The following MBD5 variants were observed in gnomAD, a reference collection of about 807,000 sequenced individuals.
MBD5 encodes the protein methyl-CpG-binding domain protein 5.
In MBD5, 13 loss-of-function variants were observed where a neutral mutation model predicts 117.3. The ratio of observed to expected loss-of-function variants is 0.11; its 90% CI spans 0.07 to 0.18. The LOEUF (loss-of-function observed/expected upper bound fraction) is 0.18, where lower values mean the gene tolerates loss of function less well. Ranked by LOEUF, MBD5 falls within the 10% of genes least tolerant of loss-of-function variation. The pLI, the probability that MBD5 is intolerant of heterozygous loss-of-function variation, is 1.00. For missense variants in MBD5, 1,879 were observed against 2,093.8 expected (o/e 0.90, Z 2.00); for synonymous variants, 727 against 766.4 (o/e 0.95, Z 0.85).
In MBD5 at chr2:148,490,122, TCAG is replaced by T. The variant is rs755875211; in HGVS notation, c.4491_4493del (p.Phe1497_Arg1498delinsLeu). ...GGGGATAAAATTCTAGAGGAAAATTTCAGGTATAATAACTACAAAAGAACTATG... is the reference window on the plus strand; with the variant it reads ...GGGGATAAAATTCTAGAGGAAAATTTGTATAATAACTACAAAAGAACTATG... On this transcript the variant is annotated inframe_deletion, in exon 11 of 14. Coordinates refer to ENST00000642680, the MANE Select transcript of MBD5 (RefSeq NM_001378120.1). The T allele has an allele frequency of 6.2e-7, 1 of 1,613,716 alleles. No individual in the cohort carries two copies. The highest frequency in any genetic ancestry group is 1.7e-5 in the Admixed American group (1 of 59,978).
At chr2:148,446,636 C>G (rs1706538908) in intron 4 of MBD5, among the ~76,000 whole-genome samples, 2 of 34,900 alleles carry the variant, frequency 5.7e-5, no homozygotes, top group Admixed American at 2.6e-4. Flanking sequence ...GTGTGTAAAA[C>G]TGAAATACTT....
intron 3 of MBD5, among the ~76,000 whole-genome samples, chr2:148,306,884 G>T (rs1318108589): frequency 6.6e-6 from 1 of 152,024 alleles, no homozygotes; most frequent in African/African-American, 2.4e-5. Flanking sequence ...ACAATTTCTG[G>T]AATATTTATA....
At chr2:148,376,253 C>CT (rs1320820934) in intron 4 of MBD5, among the ~76,000 whole-genome samples, 3 of 139,124 alleles carry the variant, frequency 2.2e-5, no homozygotes, top group East Asian at 2.2e-4. Context: ...TATTATATTT[C>CT]TTTTTTTTCT....
chr2:148,286,710 G>A (rs767324881), intron 3 of MBD5, among the ~76,000 whole-genome samples: 1 of 152,124 alleles, frequency 6.6e-6, no homozygotes, highest in Non-Finnish European at 1.5e-5. Flanking sequence ...TTTATGACTT[G>A]TCCTTTATTA....
intron 1 of MBD5, among the ~76,000 whole-genome samples, chr2:148,092,442 G>T (rs1281752181): frequency 6.6e-6 from 1 of 152,144 alleles, no homozygotes; most frequent in Non-Finnish European, 1.5e-5. Flanking sequence ...AGTGGATAAA[G>T]AAAATGTGAT....
chr2:148,481,984 C>T (rs1187686602), intron 8 of MBD5, among the ~76,000 whole-genome samples: 3 of 152,004 alleles, frequency 2.0e-5, no homozygotes, highest in African/African-American at 7.3e-5. Context: ...TTTAAAAAAT[C>T]ATAAGTACAA....
At chr2:148,460,206 G>C (rs1463288449) in intron 5 of MBD5, 1 of 151,714 alleles carries the variant, frequency 6.6e-6, no homozygotes, top group Non-Finnish European at 1.5e-5. Flanking sequence ...CTTCCTTTTT[G>C]TTCCTATGAA....
At chr2:148,150,635 TC>T (rs1697631724) in intron 1 of MBD5, among the ~76,000 whole-genome samples, 1 of 151,770 alleles carries the variant, frequency 6.6e-6, no homozygotes, top group African/African-American at 2.4e-5. Context: ...GGTTTGTAGT[TC>T]TCCTTGAAGA....
At chr2:148,261,596 T>C (rs1700734546) in intron 3 of MBD5, among the ~76,000 whole-genome samples, 2 of 152,202 alleles carry the variant, frequency 1.3e-5, no homozygotes, top group Admixed American at 6.5e-5. Context: ...GGTTTGATCT[T>C]CTCCCAAGAC....
In MBD5 at chr2:148,028,331, C is replaced by G. The variant is rs1057407689; in HGVS notation, c.-925+6647C>G. 2 of 151,872 alleles carry G rather than the reference C, an allele frequency of 1.3e-5. 1 individual carries two copies. The highest frequency in any genetic ancestry group is 4.8e-5 in the African/African-American group (2 of 41,374). 9.4% of individuals were successfully genotyped at this position (151,872 alleles called of 1,614,324 possible). A position where few individuals can be genotyped will look rare whatever the true frequency, so the allele number is the denominator to read the frequency against. ...TTCTGCTAACCAATCAAGATTCTAG[C>G]AATGGGAGGAAAATTTTCTGTGTGG... On this transcript the variant is annotated intron_variant, in intron 1 of 13. Transcript: ENST00000642680.
chr2:148,461,091 C>T (rs982877103), intron 5 of MBD5, among the ~76,000 whole-genome samples: 71 of 152,264 alleles, frequency 4.7e-4, no homozygotes, highest in African/African-American at 1.7e-3. Flanking sequence ...CACTACCATG[C>T]CCAGCTAATG....
intron 5 of MBD5, 87 bp from the exon 6 acceptor site, chr2:148,462,495 G>T: frequency 1.2e-6 from 1 of 851,092 alleles, no homozygotes; most frequent in South Asian, 1.4e-5. Context: ...TCCCATAAAG[G>T]ACAGTAAGAC....
At chr2:148,198,337 A>G (rs1699047717) in intron 2 of MBD5, among the ~76,000 whole-genome samples, 2 of 152,092 alleles carry the variant, frequency 1.3e-5, no homozygotes, top group South Asian at 2.1e-4. Context: ...TCTACCACCA[A>G]ATTTCTACCT....
At chr2:148,121,824 T>TA (rs1696774378) in intron 1 of MBD5, among the ~76,000 whole-genome samples, 1 of 152,080 alleles carries the variant, frequency 6.6e-6, no homozygotes, top group African/African-American at 2.4e-5. Flanking sequence ...TCCACGTTTT[T>TA]AAAAAAATTA....
chr2:148,414,704 C>T (rs1202235569), intron 4 of MBD5, among the ~76,000 whole-genome samples: 1 of 152,160 alleles, frequency 6.6e-6, no homozygotes, highest in Non-Finnish European at 1.5e-5. Context: ...GAACCGCTTA[C>T]CACTATGTAA....
At chr2:148,065,574 A>G (rs1180097703) in intron 1 of MBD5, among the ~76,000 whole-genome samples, 2 of 152,208 alleles carry the variant, frequency 1.3e-5, no homozygotes, top group Non-Finnish European at 1.5e-5. Context: ...AATCAAACTC[A>G]GAAAAGGAAA....
intron 2 of MBD5, among the ~76,000 whole-genome samples, chr2:148,222,888 G>A (rs552559680): frequency 1.3e-5 from 2 of 152,094 alleles, no homozygotes; most frequent in South Asian, 4.2e-4. Context: ...TCCATATTCA[G>A]TATGATGCTA....
At chr2:148,487,859 C>T (rs537418232) in intron 10 of MBD5, among the ~76,000 whole-genome samples, 1 of 152,198 alleles carries the variant, frequency 6.6e-6, no homozygotes, top group South Asian at 2.1e-4. Context: ...ATACACACAA[C>T]AAAATTTATT....
At chr2:148,087,617 A>G (rs1002501198) in intron 1 of MBD5, among the ~76,000 whole-genome samples, 4 of 152,170 alleles carry the variant, frequency 2.6e-5, no homozygotes, top group African/African-American at 7.2e-5. Context: ...AAGAGTGATA[A>G]CAATCACTGT....
Sources: gnomAD v4.1 joint callset for allele counts (sites outside exome capture counted in the v4.1 genomes callset) on GRCh38, gnomAD v4.1.1 for gene constraint, MANE v1.5 for transcripts, NCBI Gene and HGNC (gene_info 2026-07-23, HGNC 2026-07-21) for gene names.